PRMT8: variants seen among roughly 807,000 people sequenced by gnomAD.
PRMT8 encodes protein arginine methyltransferase 8, also known as protein arginine N-methyltransferase 8.
A neutral mutation model predicts 47.1 loss-of-function variants in PRMT8; 7 were observed. The observed-to-expected ratio is 0.15, with a 90% CI of 0.08 to 0.28. The LOEUF (loss-of-function observed/expected upper bound fraction) is 0.28, where lower values mean the gene tolerates loss of function less well. PRMT8 is among the 10% of genes least tolerant of loss of function. PRMT8 has a pLI of 1.00. For synonymous variants in PRMT8, 188 were observed against 186.5 expected (o/e 1.01, Z -0.07); for missense variants, 237 against 505.4 (o/e 0.47, Z 5.09).
intron 1 of PRMT8, among the ~76,000 whole-genome samples, chr12:3,521,498 C>T (rs974689484): frequency 4.6e-5 from 7 of 152,008 alleles, no homozygotes; most frequent in Non-Finnish European, 8.8e-5. Context: ...CACTTGAACC[C>T]GGAAGGTAGA....
At chr12:3,437,621 G>GATATATATATATATATAT (rs1349097337) in intron 1 of PRMT8, among the ~76,000 whole-genome samples, 2 of 38,418 alleles carry the variant, frequency 5.2e-5, no homozygotes, top group African/African-American at 1.5e-4. Flanking sequence ...GTGCATTCAG[G>GATATATATATATATATAT]CTATATATAT....
intron 1 of PRMT8, among the ~76,000 whole-genome samples, chr12:3,395,816 A>C (rs1864243211): frequency 6.6e-6 from 1 of 151,786 alleles, no homozygotes; most frequent in Non-Finnish European, 1.5e-5. Flanking sequence ...GTGGGGTGTT[A>C]AAGTCTCCCA....
In PRMT8 at chr12:3,417,427, C is replaced by CAG. The variant is rs199785092; in HGVS notation, c.48+35988_48+35989dup. On this transcript the variant is annotated intron_variant, in intron 1 of 9. Transcript: ENST00000452611. Reference sequence around the variant, plus strand: ...TTAATTCAAGGAATTATTGAGAATGCAGAGGAGCGTCCAGCTCTCATGTTA... The same window carrying CAG: ...TTAATTCAAGGAATTATTGAGAATGCAGAGAGGAGCGTCCAGCTCTCATGTTA... Among the ~76,000 whole-genome samples, 923 of 152,308 alleles carry CAG rather than the reference C, an allele frequency of 6.1e-3. 12 individuals carry two copies. Among genetic ancestry groups the CAG allele is most frequent in the African/African-American group, 0.021 (869 of 41,566 alleles).
At chr12:3,459,367 A>G (rs2137086839) in intron 1 of PRMT8, among the ~76,000 whole-genome samples, 1 of 152,206 alleles carries the variant, frequency 6.6e-6, no homozygotes, top group South Asian at 2.1e-4. Flanking sequence ...TGAAGCCAAC[A>G]TTGAAAAAGT....
intron 1 of PRMT8, among the ~76,000 whole-genome samples, chr12:3,478,261 CATCT>C (rs760728898): frequency 0.033 from 4,243 of 127,472 alleles, 92 homozygotes; most frequent in African/African-American, 0.062. Context: ...ATCCACCTAT[CATCT>C]ATCTATCTAT....
intron 1 of PRMT8, among the ~76,000 whole-genome samples, chr12:3,428,027 T>G (rs1864624623): frequency 6.6e-6 from 1 of 152,244 alleles, no homozygotes; most frequent in Non-Finnish European, 1.5e-5. Context: ...TAATAAGATC[T>G]TGTTTAGTCC....
chr12:3,388,051 T>TCCTTTCTTCCTTCCTC (rs71061113), intron 1 of PRMT8, among the ~76,000 whole-genome samples: 1 of 134,436 alleles, frequency 7.4e-6, no homozygotes, highest in Non-Finnish European at 1.6e-5. Context: ...TTTCCTTCCT[T>TCCTTTCTTCCTTCCTC]CCTCCCTCCC....
At chr12:3,439,574 G>A (rs961050859) in intron 1 of PRMT8, among the ~76,000 whole-genome samples, 9 of 152,194 alleles carry the variant, frequency 5.9e-5, no homozygotes, top group Admixed American at 5.9e-4. Flanking sequence ...CTCAGCAGCA[G>A]AAAAACTCCT....
chr12:3,518,058 A>C (rs954089669), intron 1 of PRMT8, among the ~76,000 whole-genome samples: 6 of 148,770 alleles, frequency 4.0e-5, no homozygotes, highest in Non-Finnish European at 8.9e-5. Context: ...AAAAAAGCAT[A>C]GTAAACAGCC....
At chr12:3,413,945 G>T (rs1468561195) in intron 1 of PRMT8, among the ~76,000 whole-genome samples, 1 of 152,088 alleles carries the variant, frequency 6.6e-6, no homozygotes, top group Non-Finnish European at 1.5e-5. Context: ...ACAGATTTTG[G>T]TATTCACAGG....
rs376232134 is a variant in PRMT8, at chr12:3,564,596, A to G, written c.482-4110A>G. ...ATTTAGTTCTGATTAATCATTCTGTAATTTACCAGCCAGAGTCCTGTCATA... is the reference window on the plus strand; with the variant it reads ...ATTTAGTTCTGATTAATCATTCTGTGATTTACCAGCCAGAGTCCTGTCATA... On this transcript the variant is annotated intron_variant, in intron 4 of 9. Coordinates refer to ENST00000382622, the MANE Select transcript of PRMT8 (RefSeq NM_019854.5). The surrounding 1 kb of genome is among the most constrained non-coding windows in gnomAD (Gnocchi z 4.0). 2.2e-4 allele frequency among the ~76,000 whole-genome samples: 34 copies of G among 152,222 alleles called. No individual in the cohort carries two copies. The highest frequency in any genetic ancestry group is 8.2e-4 in the African/African-American group (34 of 41,458).
At chr12:3,423,953 G>A (rs1157361284) in intron 1 of PRMT8, among the ~76,000 whole-genome samples, 2 of 152,142 alleles carry the variant, frequency 1.3e-5, no homozygotes, top group African/African-American at 4.8e-5. Context: ...AATTCGTCAG[G>A]AACTGGGTCT....
chr12:3,472,840 G>C (rs760100229), intron 1 of PRMT8, among the ~76,000 whole-genome samples: 1 of 152,066 alleles, frequency 6.6e-6, no homozygotes, highest in African/African-American at 2.4e-5. Flanking sequence ...GTGGAGCCAC[G>C]GCCAGGCTAA....
At chr12:3,429,097 C>G (rs1864643591) in intron 1 of PRMT8, among the ~76,000 whole-genome samples, 1 of 152,094 alleles carries the variant, frequency 6.6e-6, no homozygotes, top group South Asian at 2.1e-4. Context: ...TCTTTCCTTG[C>G]CTCTGTCAGC....
At position 3,538,020 on chromosome 12, in the gene PRMT8, G is replaced by A. The variant is rs758717123; in HGVS notation, c.76-2586G>A. ...TTTTGTATTTAATTACGACCTCTTA[G>A]CCTGGCCATAATTTCCTTTCAACTG... On this transcript the variant is annotated intron_variant, in intron 1 of 9. Coordinates refer to ENST00000382622, the MANE Select transcript of PRMT8 (RefSeq NM_019854.5). The surrounding 1 kb of genome is among the most constrained non-coding windows in gnomAD (Gnocchi z 4.6). 1.2e-4 allele frequency among the ~76,000 whole-genome samples: 19 copies of A among 152,004 alleles called. No homozygotes were observed. Among genetic ancestry groups the A allele is most frequent in the Admixed American group, 2.6e-4 (4 of 15,248 alleles).
chr12:3,401,949 T>C (rs899896163), intron 1 of PRMT8, among the ~76,000 whole-genome samples: 4 of 152,078 alleles, frequency 2.6e-5, no homozygotes, highest in African/African-American at 9.7e-5. Flanking sequence ...TAAACTACCA[T>C]TGACATTCTT....
At chr12:3,469,413 A>G in intron 1 of PRMT8, 1 of 243,550 alleles carries the variant, frequency 4.1e-6, no homozygotes, top group South Asian at 5.1e-5. Flanking sequence ...GTGCTGGTTC[A>G]CGCTACAGCA....
At chr12:3,478,307 T>TCTATCTAC (rs369719549) in intron 1 of PRMT8, among the ~76,000 whole-genome samples, 20,365 of 135,330 alleles carry the variant, frequency 0.15, 2,552 homozygotes, top group Middle Eastern at 0.17. Flanking sequence ...TATCTATCTA[T>TCTATCTAC]CTACCTACCT....
intron 1 of PRMT8, among the ~76,000 whole-genome samples, chr12:3,432,222 A>C (rs555707977): frequency 3.3e-5 from 5 of 152,184 alleles, no homozygotes; most frequent in Non-Finnish European, 4.4e-5. Flanking sequence ...GGCTGCCCAC[A>C]GCAGGCCTCA....
Sources: allele counts gnomAD v4.1 joint callset (sites outside exome capture counted in the v4.1 genomes callset), GRCh38; gene constraint gnomAD v4.1.1; non-coding constraint Gnocchi (gnomAD v3.1); transcripts MANE v1.5; gene names NCBI Gene and HGNC (gene_info 2026-07-23, HGNC 2026-07-21).